Variants in CDKAL1 observed in about 807,000 individuals in gnomAD.
CDKAL1 encodes the protein CDKAL1 threonylcarbamoyladenosine tRNA methylthiotransferase.
A neutral mutation model predicts 68.2 loss-of-function variants in CDKAL1; 32 were observed. That is an observed-to-expected ratio of 0.47 (90% confidence interval 0.35 to 0.63). The LOEUF (loss-of-function observed/expected upper bound fraction) is 0.63, where lower values mean the gene tolerates loss of function less well. CDKAL1 is among the 30% of genes least tolerant of loss of function. The pLI is 0.00. For missense variants in CDKAL1, 606 were observed against 696.7 expected (o/e 0.87, Z 1.47); for synonymous variants, 234 against 244.3 (o/e 0.96, Z 0.39).
At chr6:21,142,150 G>A (rs1195879482) in intron 13 of CDKAL1, among the ~76,000 whole-genome samples, 1 of 152,072 alleles carries the variant, frequency 6.6e-6, no homozygotes, top group African/African-American at 2.4e-5. Flanking sequence ...TTCCAAGTTA[G>A]ATGCCAAAGA....
chr6:20,888,097 G>A (rs1288510128), intron 9 of CDKAL1, among the ~76,000 whole-genome samples: 3 of 151,468 alleles, frequency 2.0e-5, no homozygotes, highest in African/African-American at 7.3e-5. Flanking sequence ...TTTACGTTAG[G>A]TATTTCTCCT....
chr6:21,109,005 G>A (rs893716882), intron 13 of CDKAL1, among the ~76,000 whole-genome samples: 2 of 152,116 alleles, frequency 1.3e-5, no homozygotes, highest in South Asian at 2.1e-4. Flanking sequence ...TTCATAGTCC[G>A]TCTGTGTCAT....
chr6:21,136,178 TC>T (rs1177651899), intron 13 of CDKAL1, among the ~76,000 whole-genome samples: 1 of 152,238 alleles, frequency 6.6e-6, no homozygotes, highest in East Asian at 1.9e-4. Context: ...AAGTTAGGTG[TC>T]CTCTGTATGC....
At chr6:20,681,376 C>T (rs1030296590) in intron 5 of CDKAL1, among the ~76,000 whole-genome samples, 1 of 152,226 alleles carries the variant, frequency 6.6e-6, no homozygotes, top group Non-Finnish European at 1.5e-5. Context: ...AGGCTAGTTT[C>T]AACCACTGTT....
chr6:20,672,234 TTCTC>T (rs749999617), intron 5 of CDKAL1, among the ~76,000 whole-genome samples: 2 of 79,770 alleles, frequency 2.5e-5, no homozygotes, highest in African/African-American at 3.7e-5. Context: ...TTTCTTTTCT[TTCTC>T]TTTCTTTCTT....
At chr6:20,564,487 T>G (rs1050662294) in intron 4 of CDKAL1, among the ~76,000 whole-genome samples, 1 of 152,242 alleles carries the variant, frequency 6.6e-6, no homozygotes, top group African/African-American at 2.4e-5. Flanking sequence ...TTTTTTACAT[T>G]TAATTTTCTG....
chr6:20,905,293 C>T (rs74593716), intron 9 of CDKAL1, among the ~76,000 whole-genome samples: 1,626 of 152,058 alleles, frequency 0.011, 28 homozygotes, highest in African/African-American at 0.036. Context: ...TGAAAAATAC[C>T]GTAACTGAAA....
chr6:20,934,835 G>C (rs1763625870), intron 9 of CDKAL1, among the ~76,000 whole-genome samples: 2 of 152,006 alleles, frequency 1.3e-5, no homozygotes, highest in South Asian at 4.2e-4. Context: ...GCAAGAGAGA[G>C]AGAGACCTTG....
At chr6:20,677,256 A>T (rs527917317) in intron 5 of CDKAL1, among the ~76,000 whole-genome samples, 2 of 151,630 alleles carry the variant, frequency 1.3e-5, no homozygotes, top group Non-Finnish European at 2.9e-5. Flanking sequence ...TTATTAGTAG[A>T]GATGGGCTTT....
At chr6:21,089,429 A>C (rs1257098743) in intron 12 of CDKAL1, among the ~76,000 whole-genome samples, 3 of 152,210 alleles carry the variant, frequency 2.0e-5, no homozygotes, top group South Asian at 2.1e-4. Context: ...GTAAGCTGTG[A>C]TCCTTCCACT....
intron 4 of CDKAL1, among the ~76,000 whole-genome samples, chr6:20,639,293 G>A (rs1768054018): frequency 2.0e-5 from 3 of 152,070 alleles, no homozygotes; most frequent in Admixed American, 1.3e-4. Flanking sequence ...AGTAATCTCC[G>A]AGAATAACTG....
At chr6:20,821,341 A>T (rs1462780793) in intron 8 of CDKAL1, among the ~76,000 whole-genome samples, 1 of 152,030 alleles carries the variant, frequency 6.6e-6, no homozygotes, top group Non-Finnish European at 1.5e-5. Flanking sequence ...TGGAAACAGC[A>T]TCCTAGGGTA....
At chr6:20,684,355 T>C (rs1770521512) in intron 5 of CDKAL1, among the ~76,000 whole-genome samples, 1 of 152,196 alleles carries the variant, frequency 6.6e-6, no homozygotes, top group Non-Finnish European at 1.5e-5. Context: ...GGCATGAGAA[T>C]CACTTGAGTC....
At chr6:20,916,013 C>T (rs1362692142) in intron 9 of CDKAL1, among the ~76,000 whole-genome samples, 2 of 152,070 alleles carry the variant, frequency 1.3e-5, no homozygotes, top group Admixed American at 1.3e-4. Context: ...AGATTAATGA[C>T]TGCTGGAGTT....
At chr6:20,589,685 T>C (rs1432462980) in intron 4 of CDKAL1, among the ~76,000 whole-genome samples, 1 of 152,210 alleles carries the variant, frequency 6.6e-6, no homozygotes, top group African/African-American at 2.4e-5. Flanking sequence ...AAAGTACTTT[T>C]GTAATTATTT....
At chr6:21,018,318 C>T (rs1180577625) in intron 11 of CDKAL1, among the ~76,000 whole-genome samples, 2 of 152,194 alleles carry the variant, frequency 1.3e-5, no homozygotes, top group African/African-American at 2.4e-5. Flanking sequence ...CAAATGTATG[C>T]AGTCAGGCTT....
intron 11 of CDKAL1, among the ~76,000 whole-genome samples, chr6:21,046,073 G>A (rs1770211129): frequency 6.6e-6 from 1 of 152,192 alleles, no homozygotes; most frequent in African/African-American, 2.4e-5. Context: ...CCACTGCCAT[G>A]TCTGTAAACT....
At chr6:20,561,991 A>G (rs1764284777) in intron 4 of CDKAL1, among the ~76,000 whole-genome samples, 1 of 152,214 alleles carries the variant, frequency 6.6e-6, no homozygotes, top group Admixed American at 6.5e-5. Flanking sequence ...TGAATCAGAA[A>G]TCTAATTTAA....
intron 4 of CDKAL1, among the ~76,000 whole-genome samples, chr6:20,569,757 T>C (rs2064321): frequency 0.24 from 35,778 of 152,194 alleles, 5,136 homozygotes; most frequent in East Asian, 0.53. Context: ...TACTTTTATA[T>C]AGTCTTTCAG....
Sources: allele counts gnomAD v4.1 joint callset (sites outside exome capture counted in the v4.1 genomes callset), GRCh38; gene constraint gnomAD v4.1.1; transcripts MANE v1.5; gene names NCBI Gene and HGNC (gene_info 2026-07-23, HGNC 2026-07-21).